Variants in PFDN2 observed in about 807,000 individuals in gnomAD.
PFDN2 encodes prefoldin subunit 2, also known as prefoldin 2.
PFDN2 carries 7 observed loss-of-function variants against 18.3 expected under a neutral mutation model. The ratio of observed to expected loss-of-function variants is 0.38; its 90% CI spans 0.22 to 0.72. The LOEUF is 0.72. Ranked by LOEUF, PFDN2 falls within the 30% of genes least tolerant of loss-of-function variation. PFDN2 has a pLI of 0.47. For synonymous variants in PFDN2, 76 were observed against 75.0 expected, an observed-to-expected ratio of 1.01 and a Z score of -0.07; for missense variants, 181 against 199.1, an observed-to-expected ratio of 0.91 and a Z score of 0.55.
intron 1 of PFDN2, among the ~76,000 whole-genome samples, chr1:161,109,986 G>A (rs1228998427): frequency 6.6e-6 from 1 of 152,034 alleles, no homozygotes; most frequent in Non-Finnish European, 1.5e-5. Flanking sequence ...CCTGGGAGGC[G>A]GAAGTTGCAG....
intron 1 of PFDN2, among the ~76,000 whole-genome samples, chr1:161,105,734 C>A (rs111255902): frequency 0.026 from 3,934 of 152,316 alleles, 58 homozygotes; most frequent in Non-Finnish European, 0.04. Flanking sequence ...GCTGGGATTA[C>A]AGGCGTGAGC....
chr1:161,104,441 CTTTTTCTTTTTT>C (rs1222286021), intron 1 of PFDN2, among the ~76,000 whole-genome samples: 2 of 149,910 alleles, frequency 1.3e-5, no homozygotes, highest in African/African-American at 4.9e-5. Flanking sequence ...TTTTCTTTTT[CTTTTTCTTTTTT>C]TTTTTTTTTA....
At chr1:161,115,696 G>C (rs1254738350) in intron 1 of PFDN2, among the ~76,000 whole-genome samples, 1 of 152,176 alleles carries the variant, frequency 6.6e-6, no homozygotes, top group African/African-American at 2.4e-5. Context: ...TTGAAAAAGA[G>C]AGACCACATT....
At chr1:161,115,502 C>G (rs1654896556) in intron 1 of PFDN2, among the ~76,000 whole-genome samples, 1 of 152,342 alleles carries the variant, frequency 6.6e-6, no homozygotes, top group Admixed American at 6.5e-5. Flanking sequence ...TCATCAACAT[C>G]TGCTCAACAT....
chr1:161,101,609 C>T (rs914413577), intron 3 of PFDN2, among the ~76,000 whole-genome samples: 12 of 152,152 alleles, frequency 7.9e-5, no homozygotes, highest in Admixed American at 5.9e-4. Context: ...TTCATGTATT[C>T]GTGAAACACA....
chr1:161,115,094 C>A (rs775164645), intron 1 of PFDN2, among the ~76,000 whole-genome samples: 1 of 152,136 alleles, frequency 6.6e-6, no homozygotes, highest in Non-Finnish European at 1.5e-5. Context: ...ACAAGAGTCT[C>A]GCTCTTTGCC....
At chr1:161,104,300 T>A (rs12023365) in intron 1 of PFDN2, among the ~76,000 whole-genome samples, 1 of 152,120 alleles carries the variant, frequency 6.6e-6, no homozygotes, top group African/African-American at 2.4e-5. Context: ...CTGACAACAG[T>A]GGACTCAATC....
intron 3 of PFDN2, 40 bp from the exon 4 acceptor site, chr1:161,100,899 A>T (rs1654542414): frequency 6.7e-7 from 1 of 1,493,128 alleles, no homozygotes; most frequent in Non-Finnish European, 9.3e-7. Context: ...GGAATTCAGG[A>T]CTCCTTTCCC....
At chr1:161,102,218 A>G (rs369528149) in intron 2 of PFDN2, 47 bp from the exon 3 acceptor site, 2 of 1,613,734 alleles carry the variant, frequency 1.2e-6, no homozygotes, top group Admixed American at 1.7e-5. Context: ...GCCCCACTCT[A>G]CTACAAATCC....
chr1:161,102,405 G>A (rs1654586716), intron 1 of PFDN2, 30 bp from the exon 2 acceptor site: 3 of 1,570,774 alleles, frequency 1.9e-6, no homozygotes, highest in African/African-American at 2.7e-5. Flanking sequence ...GATGAAAGAG[G>A]GGATAGTGGA....
At chr1:161,107,615 G>A (rs942720432) in intron 1 of PFDN2, among the ~76,000 whole-genome samples, 5 of 151,576 alleles carry the variant, frequency 3.3e-5, no homozygotes, top group African/African-American at 9.7e-5. Context: ...AGGAGTTCAC[G>A]ACCAGCCTGG....
chr1:161,116,336 T>A (rs1323205883), intron 1 of PFDN2, among the ~76,000 whole-genome samples: 1 of 152,006 alleles, frequency 6.6e-6, no homozygotes, highest in African/African-American at 2.4e-5. Flanking sequence ...GCCAACATGG[T>A]GAAACCCCGT....
At chr1:161,102,434 T>A in intron 1 of PFDN2, 59 bp from the exon 2 acceptor site, 1 of 1,320,060 alleles carries the variant, frequency 7.6e-7, no homozygotes. Flanking sequence ...AGGGTCCAGA[T>A]AGCACATAGG....
chr1:161,103,960 G>GT (rs1654631096), intron 1 of PFDN2, among the ~76,000 whole-genome samples: 1 of 152,086 alleles, frequency 6.6e-6, no homozygotes, highest in South Asian at 2.1e-4. Context: ...ATGGCTATAT[G>GT]TTAGAATCAC....
intron 1 of PFDN2, among the ~76,000 whole-genome samples, chr1:161,109,895 C>G (rs528547930): frequency 6.6e-6 from 1 of 151,916 alleles, no homozygotes; most frequent in African/African-American, 2.4e-5. Context: ...AATAAAAATA[C>G]AAAAATTAGC....
chr1:161,109,568 C>G (rs1267957826), intron 1 of PFDN2, among the ~76,000 whole-genome samples: 1 of 152,160 alleles, frequency 6.6e-6, no homozygotes, highest in African/African-American at 2.4e-5. Flanking sequence ...TAAAGGAACA[C>G]CTACTATATG....
chr1:161,115,937 G>A (rs1654906030), intron 1 of PFDN2, among the ~76,000 whole-genome samples: 1 of 152,086 alleles, frequency 6.6e-6, no homozygotes, highest in Admixed American at 6.6e-5. Context: ...AAATTATTAG[G>A]GGGAGCCAGG....
At chr1:161,105,154 G>T (rs1654653171) in intron 1 of PFDN2, among the ~76,000 whole-genome samples, 1 of 152,082 alleles carries the variant, frequency 6.6e-6, no homozygotes, top group Non-Finnish European at 1.5e-5. Flanking sequence ...ATACATCAAA[G>T]AAATCAGCTT....
At chr1:161,115,078 T>C (rs1654879705) in intron 1 of PFDN2, among the ~76,000 whole-genome samples, 1 of 152,192 alleles carries the variant, frequency 6.6e-6, no homozygotes. Flanking sequence ...GTGTTTGTTT[T>C]TTGAGACAAG....
Sources: gnomAD v4.1 joint callset for allele counts (sites outside exome capture counted in the v4.1 genomes callset) on GRCh38, gnomAD v4.1.1 for gene constraint, MANE v1.5 for transcripts, NCBI Gene and HGNC (gene_info 2026-07-23, HGNC 2026-07-21) for gene names.